The following OTUD7B variants were observed in gnomAD, a reference collection of about 807,000 sequenced individuals.
The protein encoded by OTUD7B is OTU domain-containing protein 7B.
In OTUD7B, 34 loss-of-function variants were observed where a neutral mutation model predicts 82.2. The ratio of observed to expected loss-of-function variants is 0.41; its 90% CI spans 0.31 to 0.55. The LOEUF (loss-of-function observed/expected upper bound fraction) is 0.55. Among genes scored for constraint, OTUD7B ranks in the 20% least tolerant of loss-of-function variants. The pLI, the probability that OTUD7B is intolerant of heterozygous loss-of-function variation, is 0.20. For missense variants in OTUD7B, 944 were observed against 1,062.1 expected, an observed-to-expected ratio of 0.89 and a Z score of 1.55; for synonymous variants, 398 against 402.7, an observed-to-expected ratio of 0.99 and a Z score of 0.14.
chr1:149,937,988 A>G lies in OTUD7B; in HGVS notation c.*5869T>C, dbSNP rs1553769564. 1 of 152,114 alleles carries G rather than the reference A, an allele frequency of 6.6e-6. No homozygotes were observed. Among genetic ancestry groups the G allele is most frequent in the Non-Finnish European group, 1.5e-5 (1 of 68,052 alleles). 9.4% of individuals were successfully genotyped at this position (152,114 alleles called of 1,614,324 possible). On this transcript the variant is annotated 3_prime_UTR_variant, in exon 12 of 12. Coordinates refer to ENST00000581312, the MANE Select transcript of OTUD7B (RefSeq NM_020205.4). ...CTGCAACTGTGGAAATAGTGAAGAT[A>G]TTGTGAGACAGAAAGTCAGTCTGGA... is the stretch of plus-strand genomic sequence containing the variant.
chr1:149,996,026 A>G (rs1651900139), intron 1 of OTUD7B, among the ~76,000 whole-genome samples: 1 of 152,192 alleles, frequency 6.6e-6, no homozygotes, highest in South Asian at 2.1e-4. Context: ...CTACCTGCAT[A>G]CTCATCAGAG....
chr1:149,977,378 TACC>T, intron 2 of OTUD7B, 45 bp downstream of exon 2: 1 of 1,314,736 alleles, frequency 7.6e-7, no homozygotes, highest in Non-Finnish European at 1.1e-6. Flanking sequence ...TAATGATAAA[TACC>T]ACATTTTACT....
intron 5 of OTUD7B, among the ~76,000 whole-genome samples, 193 bp from the exon 6 acceptor site, chr1:149,964,542 T>C (rs782112077): frequency 1.5e-4 from 23 of 151,996 alleles, no homozygotes; most frequent in Non-Finnish European, 2.5e-4. Flanking sequence ...GCAAATAATA[T>C]ATTAAGTTGT....
At chr1:150,002,973 G>A (rs971620982) in intron 1 of OTUD7B, among the ~76,000 whole-genome samples, 2 of 152,158 alleles carry the variant, frequency 1.3e-5, no homozygotes, top group Admixed American at 1.3e-4. Flanking sequence ...GCTCCAGGCC[G>A]GGCGTGGTGG....
Position 150,010,499 on chromosome 1 carries a change from G to A in OTUD7B, c.-118C>T, listed in dbSNP as rs1652972082. 6.5e-6 allele frequency: 1 copy of A among 152,682 alleles called. No individual in the cohort carries two copies. The highest frequency in any genetic ancestry group is 1.5e-5 in the Non-Finnish European group (1 of 68,102). 9.5% of individuals were successfully genotyped at this position (152,682 alleles called of 1,614,324 possible). On this transcript the variant is annotated 5_prime_UTR_variant, in exon 1 of 12. Coordinates refer to ENST00000581312, the MANE Select transcript of OTUD7B (RefSeq NM_020205.4). Reference sequence around the variant, plus strand: ...TAGGCCGGGGCGGAGCGCGGGGCCCGGCCGCCTCTCTTCATTCCTCGGCAG... The same window carrying A: ...TAGGCCGGGGCGGAGCGCGGGGCCCAGCCGCCTCTCTTCATTCCTCGGCAG...
At chr1:150,028,108 T>C in the OTUD7B span, among the ~76,000 whole-genome samples, 1 of 152,246 alleles carries the variant, frequency 6.6e-6, no homozygotes, top group Admixed American at 6.5e-5. Flanking sequence ...TGTACATAAC[T>C]ATTTTTCTCA....
chr1:150,003,902 T>C (rs1174062326), intron 1 of OTUD7B, among the ~76,000 whole-genome samples: 1 of 152,178 alleles, frequency 6.6e-6, no homozygotes, highest in African/African-American at 2.4e-5. Context: ...CAGCCTTCAT[T>C]TGGACATTTC....
the OTUD7B span, among the ~76,000 whole-genome samples, chr1:150,016,106 A>T: frequency 5.3e-5 from 8 of 152,348 alleles, no homozygotes; most frequent in South Asian, 1.7e-3. Context: ...AACCTATCCC[A>T]GAGTGGTCCA....
intron 2 of OTUD7B, among the ~76,000 whole-genome samples, chr1:149,976,870 C>T (rs1208325970): frequency 6.6e-6 from 1 of 151,966 alleles, no homozygotes; most frequent in Non-Finnish European, 1.5e-5. Flanking sequence ...CCTGTAATCC[C>T]AGCACTTTGG....
Position 149,949,044 on chromosome 1 carries a change from G to C in OTUD7B, c.1163C>G (p.Pro388Arg). 6.2e-7 allele frequency: 1 copy of C among 1,613,844 alleles called. No homozygotes were observed. Among genetic ancestry groups the C allele is most frequent in the Non-Finnish European group, 8.5e-7 (1 of 1,179,706 alleles). The stretch of plus-strand genomic sequence containing the variant: ...TCCAGGGTCCACAGCAAAGTGCAAG[G>C]GCAGCAGCTTATACTCTGAATCTGT... ...PLTDSEYKLL[P>R]LHFAVDPGKG... Residue 388 changes from proline (P) to arginine (R), a missense_variant, in exon 10 of 12, where the codon CCC (proline) becomes CGC (arginine). Pro to Arg is a moderately radical substitution (Grantham distance 103). Around this residue, in one of 3 missense-constraint regions of OTUD7B, gnomAD observed 530 missense variants for 625.6 expected, o/e 0.85. Coordinates refer to ENST00000581312, the MANE Select transcript of OTUD7B (RefSeq NM_020205.4).
chr1:150,036,184 G>A, the OTUD7B span, among the ~76,000 whole-genome samples: 1 of 151,018 alleles, frequency 6.6e-6, no homozygotes, highest in African/African-American at 2.4e-5. Flanking sequence ...GAACTCCTGG[G>A]CTGAAGCAAT....
the OTUD7B span, among the ~76,000 whole-genome samples, chr1:150,059,583 C>G: frequency 1.3e-5 from 2 of 151,864 alleles, no homozygotes; most frequent in Admixed American, 1.3e-4. Flanking sequence ...TGGTCAGGCT[C>G]GGTCTTAAAC....
chr1:150,038,377 T>G, the OTUD7B span, among the ~76,000 whole-genome samples: 1 of 151,686 alleles, frequency 6.6e-6, no homozygotes, highest in African/African-American at 2.4e-5. Flanking sequence ...TTTAAATTGT[T>G]TATTTATTTA....
intron 1 of OTUD7B, among the ~76,000 whole-genome samples, chr1:150,004,335 G>A (rs1449796518): frequency 1.3e-5 from 2 of 152,054 alleles, no homozygotes; most frequent in South Asian, 2.1e-4. Flanking sequence ...TAAGGTGGGC[G>A]GATCACTTGA....
At chr1:150,049,629 C>CTCTTTTTTTTTTTTTTTTT in the OTUD7B span, among the ~76,000 whole-genome samples, 6 of 43,468 alleles carry the variant, frequency 1.4e-4, 3 homozygotes, top group African/African-American at 3.3e-4. Context: ...CTCTCTCTCT[C>CTCTTTTTTTTTTTTTTTTT]TTTCTTTTTT....
the OTUD7B span, among the ~76,000 whole-genome samples, chr1:150,025,074 A>G: frequency 2.0e-5 from 3 of 151,430 alleles, no homozygotes; most frequent in Admixed American, 1.3e-4. Flanking sequence ...CAAAACAAAC[A>G]AAAAAACCCA....
At position 149,943,547 on chromosome 1, in the gene OTUD7B, A is replaced by C; in HGVS notation, c.*310T>G. ...CCCACACACCAAACCTTCCCCTGCT[A>C]CTTTCTCTTAGGTCCCTGGATGGGA... is the stretch of plus-strand genomic sequence containing the variant. On this transcript the variant is annotated 3_prime_UTR_variant, in exon 12 of 12. Transcript: ENST00000581312. 1 of 264,630 alleles carries C rather than the reference A, an allele frequency of 3.8e-6. No individual in the cohort carries two copies. Among genetic ancestry groups the C allele is most frequent in the Non-Finnish European group, 7.2e-6 (1 of 139,818 alleles). 16.4% of individuals were successfully genotyped at this position (264,630 alleles called of 1,614,324 possible). A position where few individuals can be genotyped will look rare whatever the true frequency, so the allele number is the denominator to read the frequency against.
intron 3 of OTUD7B, 114 bp downstream of exon 3, chr1:149,970,943 TGGCTGG>T: frequency 1.1e-6 from 1 of 910,184 alleles, no homozygotes; most frequent in Non-Finnish European, 1.6e-6. Context: ...AGTCTGGGTT[TGGCTGG>T]GAGAAGGGGA....
intron 2 of OTUD7B, among the ~76,000 whole-genome samples, chr1:149,977,178 A>C (rs1203637255): frequency 3.3e-5 from 5 of 152,206 alleles, no homozygotes; most frequent in Non-Finnish European, 7.3e-5. Context: ...GACTAATATA[A>C]AATTTCACTT....
Sources: allele counts gnomAD v4.1 joint callset (sites outside exome capture counted in the v4.1 genomes callset), GRCh38; gene constraint gnomAD v4.1.1; regional missense constraint gnomAD v4.1.1; transcripts MANE v1.5; gene names NCBI Gene and HGNC (gene_info 2026-07-23, HGNC 2026-07-21).